ERCC3: variants seen among roughly 807,000 people sequenced by gnomAD.
ERCC3 encodes general transcription and DNA repair factor IIH helicase/translocase subunit XPB.
ERCC3 carries 66 observed loss-of-function variants against 94.2 expected under a neutral mutation model. The observed-to-expected ratio is 0.70, with a 90% CI of 0.57 to 0.86. ERCC3 has a LOEUF of 0.86. Ranked by LOEUF, ERCC3 falls within the 40% of genes least tolerant of loss-of-function variation. ERCC3 has a pLI of 0.00. For missense variants in ERCC3, 829 were observed against 987.1 expected (o/e 0.84, Z 2.15); for synonymous variants, 349 against 369.1 (o/e 0.95, Z 0.63).
Position 127,279,936 on chromosome 2 carries a change from G to A in ERCC3, c.1527+511C>T, listed in dbSNP as rs1684853682. Reference sequence around the variant, plus strand: ...AGTTATTTTCACACCAGCTGCAAGTGTGCGAAACCAGATTCTCAATTGGTA... The same window carrying A: ...AGTTATTTTCACACCAGCTGCAAGTATGCGAAACCAGATTCTCAATTGGTA... On this transcript the variant is annotated intron_variant, in intron 9 of 14. Coordinates refer to ENST00000285398, the MANE Select transcript of ERCC3 (RefSeq NM_000122.2). The surrounding 1 kb of genome is among the most constrained non-coding windows in gnomAD (Gnocchi z 4.7). 2.0e-5 allele frequency among the ~76,000 whole-genome samples: 3 copies of A among 152,168 alleles called. No individual in the cohort carries two copies. In the South Asian group the frequency reaches 6.2e-4, roughly 32 times the overall value.
Position 127,261,223 on chromosome 2 carries a change from T to C in ERCC3, c.2064+5A>G, listed in dbSNP as rs372749473. The C allele has an allele frequency of 1.3e-4, 207 of 1,566,360 alleles. No individual in the cohort carries two copies. The South Asian group carries it at 1.7e-3, about 13-fold the overall frequency. On this transcript the variant is annotated splice_donor_5th_base_variant and intron_variant, in intron 13 of 14. Coordinates refer to ENST00000285398, the MANE Select transcript of ERCC3 (RefSeq NM_000122.2). The stretch of plus-strand genomic sequence containing the variant: ...AGTCTAACCAGAAGCCAAATGGATA[T>C]GTACCTTGAAGCTATAACCTTGATC...
chr2:127,286,495 G>A (rs1193904576), intron 8 of ERCC3, among the ~76,000 whole-genome samples: 1 of 151,560 alleles, frequency 6.6e-6, no homozygotes, highest in African/African-American at 2.4e-5. Flanking sequence ...GTGGTGAGCT[G>A]AGATCGTGCC....
At chr2:127,266,370 C>G (rs1238945851) in intron 12 of ERCC3, among the ~76,000 whole-genome samples, 1 of 133,838 alleles carries the variant, frequency 7.5e-6, no homozygotes, top group East Asian at 2.1e-4. Flanking sequence ...GAGTCTCGCT[C>G]TGTTGCCCAG....
chr2:127,289,837 G>T lies in ERCC3; in HGVS notation c.522-13C>A. 1 of 1,614,098 alleles carries T rather than the reference G, an allele frequency of 6.2e-7. No homozygotes were observed. The highest frequency in any genetic ancestry group is 8.5e-7 in the Non-Finnish European group (1 of 1,179,990). On this transcript the variant is annotated splice_polypyrimidine_tract_variant and intron_variant, in intron 4 of 14. Coordinates refer to ENST00000285398, the MANE Select transcript of ERCC3 (RefSeq NM_000122.2). ...TTCAACGAAGTATCTGCAAGCAGGG[G>T]AGGAAGAAGGGGTCTACTGACCAGC...
At chr2:127,289,649 T>C in intron 5 of ERCC3, 40 bp downstream of exon 5, 2 of 1,613,538 alleles carry the variant, frequency 1.2e-6, no homozygotes, top group Non-Finnish European at 1.7e-6. Context: ...AAATCCTAAA[T>C]GCCTGCCCCC....
In ERCC3 at chr2:127,280,402, AG is replaced by A. The variant is rs776211347; in HGVS notation, c.1527+44del. On this transcript the variant is annotated intron_variant, in intron 9 of 14. Transcript: ENST00000285398. The surrounding 1 kb of genome is among the most constrained non-coding windows in gnomAD (Gnocchi z 6.3). ...TCGATCTGATCACTCCCCTGCCCAT[AG>A]GAGGAGGCCCTTTCCCAGACGCCCC... The A allele has an allele frequency of 2.8e-5, 43 of 1,554,888 alleles. No homozygotes were observed. Among genetic ancestry groups the A allele is most frequent in the Non-Finnish European group, 3.8e-5 (43 of 1,137,524 alleles).
chr2:127,262,479 C>A (rs184382592), intron 12 of ERCC3: 2 of 152,208 alleles, frequency 1.3e-5, no homozygotes, highest in Non-Finnish European at 2.9e-5. Context: ...GGCGATAGAG[C>A]GAGATTCCAT....
In ERCC3 at chr2:127,279,410, A is replaced by C. The variant is rs879138050; in HGVS notation, c.1528-35T>G. ...AGTAAGAACCAGGGGTCATTTTACAAGTTTAAACACCACACAATTTAAAAC... is the reference window on the plus strand; with the variant it reads ...AGTAAGAACCAGGGGTCATTTTACACGTTTAAACACCACACAATTTAAAAC... On this transcript the variant is annotated intron_variant, in intron 9 of 14. Coordinates refer to ENST00000285398, the MANE Select transcript of ERCC3 (RefSeq NM_000122.2). The surrounding 1 kb of genome is among the most constrained non-coding windows in gnomAD (Gnocchi z 4.7). 3 of 1,473,510 alleles carry C rather than the reference A, an allele frequency of 2.0e-6. No individual in the cohort carries two copies. The South Asian group carries it at 3.4e-5, about 17-fold the overall frequency. The allele number at this position is 1,473,510 out of a possible 1,614,324, so 91.3% of individuals were successfully genotyped here. A position where few individuals can be genotyped will look rare whatever the true frequency, so the allele number is the denominator to read the frequency against.
Position 127,280,428 on chromosome 2 carries a change from C to T in ERCC3, c.1527+19G>A. ...GGAGGAGGCCCTTTCCCAGACGCCCCCAGCCCAGGCCCAGCTACCTCAGCA... is the reference window on the plus strand; with the variant it reads ...GGAGGAGGCCCTTTCCCAGACGCCCTCAGCCCAGGCCCAGCTACCTCAGCA... On this transcript the variant is annotated intron_variant, in intron 9 of 14. Coordinates refer to ENST00000285398, the MANE Select transcript of ERCC3 (RefSeq NM_000122.2). The surrounding 1 kb of genome is among the most constrained non-coding windows in gnomAD (Gnocchi z 6.3). 1 of 1,604,496 alleles carries T rather than the reference C, an allele frequency of 6.2e-7. No individual in the cohort carries two copies.
At chr2:127,261,043 C>T (rs540672450) in intron 13 of ERCC3, 185 bp downstream of exon 13, 13 of 636,340 alleles carry the variant, frequency 2.0e-5, no homozygotes, top group Non-Finnish European at 2.9e-5. Context: ...CCTGCCAGGA[C>T]GGCACACTTT....
chr2:127,265,002 C>T (rs990522025), intron 12 of ERCC3, among the ~76,000 whole-genome samples: 1 of 152,054 alleles, frequency 6.6e-6, no homozygotes. Context: ...CACACGCCAC[C>T]AAGCCCACCT....
rs1295875856 is a variant in ERCC3, at chr2:127,279,248, T to C, written c.1655A>G (p.Glu552Gly). 6.2e-7 allele frequency: 1 copy of C among 1,613,776 alleles called. No homozygotes were observed. The highest frequency in any genetic ancestry group is 1.3e-5 in the African/African-American group (1 of 74,922). Residue 552 changes from glutamate (E) to glycine (G), a missense_variant, in exon 10 of 15, where the codon GAA (glutamate) becomes GGA (glycine). Glu to Gly is a moderately conservative substitution (Grantham distance 98, BLOSUM62 -2). Coordinates refer to ENST00000285398, the MANE Select transcript of ERCC3 (RefSeq NM_000122.2). The surrounding 1 kb of genome is among the most constrained non-coding windows in gnomAD (Gnocchi z 4.7). ...GACAATAATCTTGTCATTCCTCCTT[T>C]CATGAAACTTGATCAGAAACTGGCA... is the stretch of plus-strand genomic sequence containing the variant. ...RACQFLIKFH[E>G]RRNDKIIVFA...
In ERCC3 at chr2:127,277,850, T is replaced by C. The variant is rs910956778; in HGVS notation, c.1730+1323A>G. On this transcript the variant is annotated intron_variant, in intron 10 of 14. Transcript: ENST00000285398. This position sits in a 1 kb window ranked among gnomAD's most constrained non-coding sequence, Gnocchi z 5.1. ...ACAGGAGTGGGGAGAGTGGTGTATGTAAGAAAGCTAAACCCTCAACTCCTA... is the reference window on the plus strand; with the variant it reads ...ACAGGAGTGGGGAGAGTGGTGTATGCAAGAAAGCTAAACCCTCAACTCCTA... Among the ~76,000 whole-genome samples, 1 of 152,164 alleles carries C rather than the reference T, an allele frequency of 6.6e-6. No individual in the cohort carries two copies. The highest frequency in any genetic ancestry group is 2.4e-5 in the African/African-American group (1 of 41,436).
intron 10 of ERCC3, among the ~76,000 whole-genome samples, chr2:127,273,749 CAAAAAAAAA>C (rs398039596): frequency 2.5e-5 from 1 of 40,122 alleles, no homozygotes; most frequent in Non-Finnish European, 4.4e-5. Flanking sequence ...AACTCTGTCT[CAAAAAAAAA>C]AAAAAAAAAA....
chr2:127,271,495 A>C lies in ERCC3; in HGVS notation c.1828-42T>G. On this transcript the variant is annotated intron_variant, in intron 11 of 14. Transcript: ENST00000285398. The surrounding 1 kb of genome is among the most constrained non-coding windows in gnomAD (Gnocchi z 5.0). ...GAAGGTTTTTATATATGAGGAAAAA[A>C]AAAAAGTCAACTGATCCAGAATTTA... The C allele has an allele frequency of 7.4e-7, 1 of 1,347,676 alleles. No homozygotes were observed. The highest frequency in any genetic ancestry group is 1.2e-5 in the South Asian group (1 of 85,074). The allele number at this position is 1,347,676 out of a possible 1,614,324, so 83.5% of individuals were successfully genotyped here. A position where few individuals can be genotyped will look rare whatever the true frequency, so the allele number is the denominator to read the frequency against.
Position 127,271,408 on chromosome 2 carries a change from G to C in ERCC3, c.1873C>G (p.Gln625Glu). The C allele has an allele frequency of 6.2e-7, 1 of 1,614,080 alleles. No homozygotes were observed. Among genetic ancestry groups the C allele is most frequent in the Non-Finnish European group, 8.5e-7 (1 of 1,180,012 alleles). Residue 625 changes from glutamine (Q) to glutamate (E), a missense_variant, in exon 12 of 15, where the codon CAG (glutamine) becomes GAG (glutamate). Physicochemically the swap from Gln to Glu is conservative, Grantham distance 29. Transcript: ENST00000285398. This position sits in a 1 kb window ranked among gnomAD's most constrained non-coding sequence, Gnocchi z 5.0. ...CTGGAGCCACCATGGGATGAGATCT[G>C]AATGAGGACATTTGCTTCCGGCAGA... ...FDLPEANVLI[Q>E]ISSHGGSRRQ...
At chr2:127,261,786 G>A (rs1573928616) in intron 12 of ERCC3, 2 of 218,042 alleles carry the variant, frequency 9.2e-6, no homozygotes, top group Non-Finnish European at 1.8e-5. Context: ...ATCACCTCAC[G>A]CCCCTCTCCG....
chr2:127,270,791 G>C (rs955396274), intron 12 of ERCC3, among the ~76,000 whole-genome samples: 2 of 152,160 alleles, frequency 1.3e-5, no homozygotes, highest in African/African-American at 2.4e-5. Context: ...GGGGTGCCAC[G>C]CCTCCTCAGA....
chr2:127,293,757 C>T (rs762392334), intron 1 of ERCC3, 39 bp from the exon 2 acceptor site: 1 of 1,605,440 alleles, frequency 6.2e-7, no homozygotes, highest in Non-Finnish European at 8.5e-7. Context: ...CAGCAGGAGC[C>T]TTCAGGGTTC....
Sources: gnomAD v4.1 joint callset for allele counts (sites outside exome capture counted in the v4.1 genomes callset) on GRCh38, gnomAD v4.1.1 for gene constraint, Gnocchi (gnomAD v3.1) non-coding constraint, MANE v1.5 for transcripts, NCBI Gene and HGNC (gene_info 2026-07-23, HGNC 2026-07-21) for gene names.